NFIB: variants seen among roughly 807,000 people sequenced by gnomAD.
NFIB encodes nuclear factor I B.
In NFIB, 11 loss-of-function variants were observed where a neutral mutation model predicts 61.5. That is an observed-to-expected ratio of 0.18 (90% CI 0.11 to 0.30). The LOEUF (loss-of-function observed/expected upper bound fraction) is 0.30. Among genes scored for constraint, NFIB ranks in the 10% least tolerant of loss-of-function variants. The probability of loss-of-function intolerance (pLI) is 1.00; values close to 1 mark genes in which losing one functional copy is unlikely to be tolerated. For missense variants in NFIB, 471 were observed against 608.9 expected (o/e 0.77, Z 2.38); for synonymous variants, 260 against 216.5 (o/e 1.20, Z -1.76).
chr9:14,260,820 GCC>G lies in NFIB; in HGVS notation c.562+46167_562+46168del, dbSNP rs554929841. Among the ~76,000 whole-genome samples the G allele has an allele frequency of 7.9e-5, 12 of 152,320 alleles. No individual in the cohort carries two copies. The South Asian group carries it at 1.2e-3, about 16-fold the overall frequency. ...ATTGGCCTATATGGGGCATGGATTG[GCC>G]CAAAGGACCTGCTTTTTCTGAATTT... On this transcript the variant is annotated intron_variant, in intron 2 of 10. Coordinates refer to ENST00000380953, the MANE Select transcript of NFIB (RefSeq NM_001190737.2).
At chr9:14,204,483 C>T (rs774530105) in intron 2 of NFIB, 52 of 1,035,482 alleles carry the variant, frequency 5.0e-5, no homozygotes, top group South Asian at 4.3e-4. Flanking sequence ...ATGCCTCCTG[C>T]GATTAACCAG....
chr9:14,429,786 T>C, the NFIB span, among the ~76,000 whole-genome samples: 573 of 152,320 alleles, frequency 3.8e-3, 3 homozygotes, highest in African/African-American at 9.2e-3. Context: ...ACAACCTCTC[T>C]GGCCAGCAGT....
intron 6 of NFIB, among the ~76,000 whole-genome samples, chr9:14,140,412 A>T (rs1038017990): frequency 2.0e-5 from 3 of 152,158 alleles, no homozygotes; most frequent in Non-Finnish European, 4.4e-5. Context: ...AATGCTCCCT[A>T]TGGATTCTTT....
At position 14,155,862 on chromosome 9, in the gene NFIB, T is replaced by G. The variant is rs2043334320; in HGVS notation, c.648A>C (p.Gly216=). Residue 216 remains glycine (G), a synonymous_variant, in exon 4 of 11, where the codon GGA becomes GGC. Transcript: ENST00000380953. ...GYLEDSFVKS[G]VFNVSELVRV... ...TTACAAGTTCTGATACATTGAAGAC[T>G]CCAGATTTTACAAAACTATCCTCAA... 6.3e-7 allele frequency: 1 copy of G among 1,588,794 alleles called. No homozygotes were observed. The highest frequency in any genetic ancestry group is 1.4e-5 in the African/African-American group (1 of 73,800).
At chr9:14,171,513 TA>T (rs1338225541) in intron 3 of NFIB, among the ~76,000 whole-genome samples, 9 of 152,218 alleles carry the variant, frequency 5.9e-5, no homozygotes, top group Non-Finnish European at 1.3e-4. Context: ...AGAGGTCAAA[TA>T]AGGGTAATGG....
rs1456566531 is a variant in NFIB, at chr9:14,307,703, C to A, written c.31-183G>T. Among the ~76,000 whole-genome samples, 1 of 152,102 alleles carries A rather than the reference C, an allele frequency of 6.6e-6. No homozygotes were observed. Among genetic ancestry groups the A allele is most frequent in the Non-Finnish European group, 1.5e-5 (1 of 68,006 alleles). ...CAGGACAAGAAGAAAGTAAAGTATGCCCAGCTGTCCCCTTTCCACCAAAAT... is the reference window on the plus strand; with the variant it reads ...CAGGACAAGAAGAAAGTAAAGTATGACCAGCTGTCCCCTTTCCACCAAAAT... On this transcript the variant is annotated intron_variant, in intron 1 of 10. Coordinates refer to ENST00000380953, the MANE Select transcript of NFIB (RefSeq NM_001190737.2). This position sits in a 1 kb window ranked among gnomAD's most constrained non-coding sequence, Gnocchi z 5.3.
chr9:14,086,612 A>G lies in NFIB; in HGVS notation c.*1697T>C, dbSNP rs1214532861. On this transcript the variant is annotated 3_prime_UTR_variant, in exon 11 of 11. Transcript: ENST00000380953. ...AGCGGCAACTATACACAGCCATGAT[A>G]TGCTTTATAAATGTGAGATAAAGGT... 9.3e-6 allele frequency: 2 copies of G among 215,648 alleles called. No individual in the cohort carries two copies. The highest frequency in any genetic ancestry group is 1.4e-4 in the East Asian group (2 of 14,484). The allele number at this position is 215,648 out of a possible 1,614,324, so 13.4% of individuals were successfully genotyped here. A position where few individuals can be genotyped will look rare whatever the true frequency, so the allele number is the denominator to read the frequency against.
At chr9:14,101,212 G>A (rs1324199200) in intron 10 of NFIB, among the ~76,000 whole-genome samples, 2 of 151,976 alleles carry the variant, frequency 1.3e-5, no homozygotes, top group African/African-American at 4.8e-5. Context: ...ATTTTCAAAA[G>A]GGAGGATGAA....
chr9:14,193,074 T>A (rs1042616251), intron 2 of NFIB, among the ~76,000 whole-genome samples: 1 of 151,732 alleles, frequency 6.6e-6, no homozygotes, highest in South Asian at 2.1e-4. Context: ...AAGTACAAAA[T>A]TCTGTATCCC....
chr9:14,474,782 A>G, the NFIB span, among the ~76,000 whole-genome samples: 1 of 152,208 alleles, frequency 6.6e-6, no homozygotes, highest in Non-Finnish European at 1.5e-5. Context: ...GTCAAATTCC[A>G]TTAGACCTTA....
the NFIB span, among the ~76,000 whole-genome samples, chr9:14,522,537 C>A: frequency 6.6e-6 from 1 of 152,096 alleles, no homozygotes; most frequent in Non-Finnish European, 1.5e-5. Flanking sequence ...TCCACGATTC[C>A]ACCTAACAGG....
Position 14,082,711 on chromosome 9 carries a change from T to A in NFIB, c.*5598A>T, listed in dbSNP as rs1348635211. 5.0e-6 allele frequency: 1 copy of A among 198,434 alleles called. No homozygotes were observed. Among genetic ancestry groups the A allele is most frequent in the African/African-American group, 2.3e-5 (1 of 43,140 alleles). 12.3% of individuals were successfully genotyped at this position (198,434 alleles called of 1,614,324 possible). On this transcript the variant is annotated 3_prime_UTR_variant, in exon 11 of 11. Transcript: ENST00000380953. ...TTTCTTTCTTGTTTTGCATCAACTT[T>A]TATCAGTCCATGCAACTTCAATGCC... is the stretch of plus-strand genomic sequence containing the variant.
Position 14,084,699 on chromosome 9 carries a change from C to T in NFIB, c.*3610G>A. 4.4e-6 allele frequency: 1 copy of T among 229,800 alleles called. No homozygotes were observed. The highest frequency in any genetic ancestry group is 8.6e-6 in the Non-Finnish European group (1 of 115,818). 14.2% of individuals were successfully genotyped at this position (229,800 alleles called of 1,614,324 possible). A position where few individuals can be genotyped will look rare whatever the true frequency, so the allele number is the denominator to read the frequency against. On this transcript the variant is annotated 3_prime_UTR_variant, in exon 11 of 11. Coordinates refer to ENST00000380953, the MANE Select transcript of NFIB (RefSeq NM_001190737.2). The stretch of plus-strand genomic sequence containing the variant: ...TGACCTTCGCCATCCTGAAGCTCTG[C>T]AGTTCTGGGTAAGGGAGGGGCGTGC...
chr9:14,358,114 T>C (rs1180728052), intron 1 of NFIB, among the ~76,000 whole-genome samples: 1 of 151,910 alleles, frequency 6.6e-6, no homozygotes, highest in Non-Finnish European at 1.5e-5. Context: ...ACCATTGCAT[T>C]TTGCCCTTTA....
the NFIB span, among the ~76,000 whole-genome samples, chr9:14,421,030 C>T: frequency 2.9e-4 from 42 of 146,536 alleles, no homozygotes; most frequent in East Asian, 6.4e-3. Flanking sequence ...ATCCTGCCTT[C>T]AACTATTTTG....
chr9:14,479,184 G>A, the NFIB span, among the ~76,000 whole-genome samples: 1 of 152,186 alleles, frequency 6.6e-6, no homozygotes, highest in Non-Finnish European at 1.5e-5. Context: ...ATTTTAGTAG[G>A]AAGCTAATCT....
At chr9:14,495,311 G>A in the NFIB span, among the ~76,000 whole-genome samples, 1 of 152,148 alleles carries the variant, frequency 6.6e-6, no homozygotes, top group Non-Finnish European at 1.5e-5. Flanking sequence ...GGCTGAGGTC[G>A]AGGTAAAGGA....
chr9:14,375,050 A>T (rs1453142189), intron 1 of NFIB, among the ~76,000 whole-genome samples: 1 of 152,232 alleles, frequency 6.6e-6, no homozygotes, highest in Admixed American at 6.5e-5. Context: ...CTCCCAAAGG[A>T]GAGAAGTAGT....
intron 3 of NFIB, among the ~76,000 whole-genome samples, chr9:14,172,005 G>A (rs1246736864): frequency 1.3e-5 from 2 of 152,166 alleles, no homozygotes; most frequent in Non-Finnish European, 2.9e-5. Context: ...TACCAGGAGA[G>A]GTCCTGTTTT....
Sources: allele counts gnomAD v4.1 joint callset (sites outside exome capture counted in the v4.1 genomes callset), GRCh38; gene constraint gnomAD v4.1.1; non-coding constraint Gnocchi (gnomAD v3.1); transcripts MANE v1.5; gene names NCBI Gene and HGNC (gene_info 2026-07-23, HGNC 2026-07-21).